Variants in ATRNL1 observed in about 807,000 individuals in gnomAD.
ATRNL1 encodes attractin like 1, also known as attractin-like protein 1.
A neutral mutation model predicts 182.7 loss-of-function variants in ATRNL1; 95 were observed. That is an observed-to-expected ratio of 0.52 (90% confidence interval 0.44 to 0.62). The LOEUF (loss-of-function observed/expected upper bound fraction) is 0.62, where lower values mean the gene tolerates loss of function less well. Ranked by LOEUF, ATRNL1 falls within the 20% of genes least tolerant of loss-of-function variation. The pLI is 0.00. For synonymous variants in ATRNL1, 576 were observed against 568.3 expected (o/e 1.01, Z -0.19); for missense variants, 1,471 against 1,679.5 (o/e 0.88, Z 2.17).
chr10:115,639,052 T>C lies in ATRNL1; in HGVS notation c.3796-88196T>C, dbSNP rs377134713. On this transcript the variant is annotated intron_variant, in intron 26 of 28. Transcript: ENST00000355044. ...GAAACCTACAGGTCCAAGAAGACAA[T>C]TGAACACCAAAGAGGTTAAATGCTA... Among the ~76,000 whole-genome samples, 147 of 152,148 alleles carry C rather than the reference T, an allele frequency of 9.7e-4. 1 individual carries two copies. Among genetic ancestry groups the C allele is most frequent in the African/African-American group, 3.4e-3 (143 of 41,540 alleles).
At chr10:115,917,338 C>T (rs1185417968) in intron 28 of ATRNL1, among the ~76,000 whole-genome samples, 3 of 151,882 alleles carry the variant, frequency 2.0e-5, no homozygotes, top group African/African-American at 7.3e-5. Flanking sequence ...GGCATGGCGG[C>T]GGGCACCTGT....
chr10:115,223,929 A>ATATATATATTTTTTTTTTT (rs1420143943), intron 9 of ATRNL1, among the ~76,000 whole-genome samples: 11 of 44,722 alleles, frequency 2.5e-4, no homozygotes, highest in African/African-American at 8.3e-4. Context: ...ATATATATAT[A>ATATATATATTTTTTTTTTT]TTTTTTTTTT....
intron 8 of ATRNL1, among the ~76,000 whole-genome samples, chr10:115,194,968 A>G (rs1848305344): frequency 6.6e-6 from 1 of 151,994 alleles, no homozygotes; most frequent in African/African-American, 2.4e-5. Flanking sequence ...AAAACAAAAC[A>G]AATAAGCAAA....
intron 26 of ATRNL1, among the ~76,000 whole-genome samples, chr10:115,561,519 A>G (rs577132161): frequency 6.6e-6 from 1 of 152,326 alleles, no homozygotes; most frequent in Admixed American, 6.5e-5. Flanking sequence ...GGGCACTATA[A>G]GTAATCTAGA....
At chr10:115,709,553 A>G (rs1324591835) in intron 26 of ATRNL1, among the ~76,000 whole-genome samples, 2 of 151,862 alleles carry the variant, frequency 1.3e-5, no homozygotes, top group Non-Finnish European at 2.9e-5. Flanking sequence ...GAAAAGATTT[A>G]TGGGATTCAG....
intron 19 of ATRNL1, among the ~76,000 whole-genome samples, chr10:115,387,240 T>C (rs1858416119): frequency 6.6e-6 from 1 of 152,128 alleles, no homozygotes; most frequent in Admixed American, 6.5e-5. Context: ...TACTATGCCG[T>C]CCTTTGTTGC....
chr10:115,849,156 A>G (rs1950996972), intron 28 of ATRNL1, among the ~76,000 whole-genome samples: 1 of 152,180 alleles, frequency 6.6e-6, no homozygotes. Context: ...ATCTTATTGC[A>G]GAAATTTCTA....
intron 28 of ATRNL1, among the ~76,000 whole-genome samples, chr10:115,915,477 T>C (rs547716174): frequency 1.3e-5 from 2 of 152,168 alleles, no homozygotes; most frequent in Non-Finnish European, 2.9e-5. Context: ...ACAAAGTTCT[T>C]GTCAGTTGGA....
intron 18 of ATRNL1, among the ~76,000 whole-genome samples, chr10:115,316,685 A>T (rs1445325626): frequency 6.6e-6 from 1 of 152,004 alleles, no homozygotes; most frequent in African/African-American, 2.4e-5. Context: ...TTTTTTTCAT[A>T]TGTTTGTTGG....
intron 28 of ATRNL1, among the ~76,000 whole-genome samples, chr10:115,938,041 G>T (rs1459118054): frequency 1.3e-5 from 2 of 152,178 alleles, no homozygotes; most frequent in Non-Finnish European, 2.9e-5. Context: ...CTTCAGAGGA[G>T]AGCATTTCAA....
intron 5 of ATRNL1, among the ~76,000 whole-genome samples, chr10:115,151,541 T>C (rs1226878337): frequency 6.6e-6 from 1 of 152,252 alleles, no homozygotes; most frequent in Non-Finnish European, 1.5e-5. Flanking sequence ...TGTCTGTTCA[T>C]ATCCTTCGCC....
intron 20 of ATRNL1, among the ~76,000 whole-genome samples, chr10:115,414,766 CATATT>C (rs1398134899): frequency 6.6e-6 from 1 of 151,740 alleles, no homozygotes; most frequent in Non-Finnish European, 1.5e-5. Context: ...CAAAAGCTGA[CATATT>C]ATTAGATGTA....
chr10:115,659,020 G>C (rs1031824076), intron 26 of ATRNL1, among the ~76,000 whole-genome samples: 1 of 152,036 alleles, frequency 6.6e-6, no homozygotes, highest in African/African-American at 2.4e-5. Context: ...TCACTATCAG[G>C]AGAATAACAT....
chr10:115,404,372 C>G (rs1357608930), intron 20 of ATRNL1, among the ~76,000 whole-genome samples: 1 of 152,208 alleles, frequency 6.6e-6, no homozygotes, highest in African/African-American at 2.4e-5. Context: ...CCCACCACTT[C>G]TAGGCCTGGC....
chr10:115,372,258 G>T (rs782408780), intron 19 of ATRNL1, among the ~76,000 whole-genome samples: 1 of 151,898 alleles, frequency 6.6e-6, no homozygotes, highest in Non-Finnish European at 1.5e-5. Flanking sequence ...TATATTTTTT[G>T]ATATTAACCC....
At chr10:115,307,641 A>T (rs1173682062) in intron 17 of ATRNL1, among the ~76,000 whole-genome samples, 4 of 152,130 alleles carry the variant, frequency 2.6e-5, no homozygotes, top group African/African-American at 7.2e-5. Context: ...GAGACTTTGT[A>T]TTTCTGAAAG....
chr10:115,692,770 A>AATAT (rs1555048573), intron 26 of ATRNL1, among the ~76,000 whole-genome samples: 2 of 152,110 alleles, frequency 1.3e-5, no homozygotes, highest in African/African-American at 4.8e-5. Context: ...TGTAGAAAAT[A>AATAT]GTTATAAAAA....
intron 1 of ATRNL1, among the ~76,000 whole-genome samples, chr10:115,094,394 A>G (rs1401930034): frequency 2.0e-5 from 3 of 152,232 alleles, no homozygotes; most frequent in African/African-American, 7.2e-5. Flanking sequence ...ATATTTAAAA[A>G]TCAGAAATTG....
intron 20 of ATRNL1, among the ~76,000 whole-genome samples, chr10:115,403,281 T>G (rs968758829): frequency 3.9e-4 from 55 of 141,110 alleles, no homozygotes; most frequent in African/African-American, 1.3e-3. Context: ...TTTTTTAGTC[T>G]GCTATATGGG....
Sources: allele counts gnomAD v4.1 joint callset (sites outside exome capture counted in the v4.1 genomes callset), GRCh38; gene constraint gnomAD v4.1.1; transcripts MANE v1.5; gene names NCBI Gene and HGNC (gene_info 2026-07-23, HGNC 2026-07-21).